Variants in KCNK13 observed in about 807,000 individuals in gnomAD.
KCNK13 encodes the protein potassium channel subfamily K member 13.
In KCNK13, 12 loss-of-function variants were observed where a neutral mutation model predicts 23.4. The observed-to-expected ratio is 0.51, with a 90% CI of 0.33 to 0.83. KCNK13 has a LOEUF of 0.83. Among genes scored for constraint, KCNK13 ranks in the 40% least tolerant of loss-of-function variants. KCNK13 has a pLI of 0.02. For missense variants in KCNK13, 463 were observed against 556.3 expected (o/e 0.83, Z 1.69); for synonymous variants, 231 against 229.5 (o/e 1.01, Z -0.06).
intron 1 of KCNK13, among the ~76,000 whole-genome samples, chr14:90,098,467 G>A (rs1361367656): frequency 1.3e-5 from 2 of 152,140 alleles, no homozygotes; most frequent in East Asian, 3.9e-4. Context: ...ATCTACGGCT[G>A]GGCATAGTGG....
chr14:90,104,824 C>G (rs1889524749), intron 1 of KCNK13, among the ~76,000 whole-genome samples: 1 of 142,084 alleles, frequency 7.0e-6, no homozygotes, highest in South Asian at 2.3e-4. Flanking sequence ...GAGTCTCACA[C>G]TGTCACCCAG....
At chr14:90,127,625 C>A (rs186231870) in intron 1 of KCNK13, among the ~76,000 whole-genome samples, 234 of 142,248 alleles carry the variant, frequency 1.6e-3, no homozygotes, top group African/African-American at 5.6e-3. Context: ...CCAGCCTGGG[C>A]AACATCTCAA....
intron 1 of KCNK13, among the ~76,000 whole-genome samples, chr14:90,104,787 T>TTTAC (rs1206116841): frequency 1.6e-5 from 2 of 125,704 alleles, no homozygotes; most frequent in Admixed American, 8.3e-5. Flanking sequence ...CTTTCTTTTC[T>TTTAC]TTTCTTTTTT....
chr14:90,142,307 C>G (rs1890016977), intron 1 of KCNK13, among the ~76,000 whole-genome samples: 1 of 141,950 alleles, frequency 7.0e-6, no homozygotes, highest in Admixed American at 7.7e-5. Context: ...TTTTGGCTGT[C>G]CAATTCTTTT....
At chr14:90,182,996 G>C (rs1296564975) in intron 1 of KCNK13, among the ~76,000 whole-genome samples, 1 of 152,062 alleles carries the variant, frequency 6.6e-6, no homozygotes, top group African/African-American at 2.4e-5. Context: ...CATTTGCTTG[G>C]AAAGAACCCT....
At chr14:90,160,329 C>G (rs1172587386) in intron 1 of KCNK13, among the ~76,000 whole-genome samples, 1 of 152,070 alleles carries the variant, frequency 6.6e-6, no homozygotes, top group African/African-American at 2.4e-5. Context: ...CTAGAAGACT[C>G]AAAAGCACAA....
chr14:90,085,853 TATATA>T (rs1177659834), intron 1 of KCNK13, among the ~76,000 whole-genome samples: 2 of 142,224 alleles, frequency 1.4e-5, no homozygotes, highest in Non-Finnish European at 3.0e-5. Flanking sequence ...ATTATATAAA[TATATA>T]ATATATAAAT....
chr14:90,075,560 T>C (rs975471631), intron 1 of KCNK13, among the ~76,000 whole-genome samples: 10 of 152,170 alleles, frequency 6.6e-5, no homozygotes, highest in African/African-American at 2.4e-4. Flanking sequence ...CTCACTGCAA[T>C]CTCCACCTCC....
chr14:90,100,705 T>C (rs1889464716), intron 1 of KCNK13, among the ~76,000 whole-genome samples: 1 of 152,162 alleles, frequency 6.6e-6, no homozygotes, highest in African/African-American at 2.4e-5. Context: ...TGGTTGGTTT[T>C]TCTTGGGACG....
intron 1 of KCNK13, among the ~76,000 whole-genome samples, chr14:90,112,012 C>T (rs1889620888): frequency 6.6e-6 from 1 of 152,134 alleles, no homozygotes; most frequent in Non-Finnish European, 1.5e-5. Flanking sequence ...CTGGCCCCAC[C>T]CTGACCTTAT....
At chr14:90,093,461 A>G (rs1283003940) in intron 1 of KCNK13, among the ~76,000 whole-genome samples, 1 of 152,136 alleles carries the variant, frequency 6.6e-6, no homozygotes, top group Non-Finnish European at 1.5e-5. Context: ...GCCTGTTACT[A>G]TTGCCCTGAT....
intron 1 of KCNK13, among the ~76,000 whole-genome samples, chr14:90,182,198 T>C (rs985789341): frequency 3.3e-5 from 5 of 152,234 alleles, no homozygotes; most frequent in African/African-American, 1.2e-4. Context: ...TGTTAATTTC[T>C]TACCCAAATG....
At chr14:90,083,414 C>G (rs1043722343) in intron 1 of KCNK13, among the ~76,000 whole-genome samples, 1 of 152,162 alleles carries the variant, frequency 6.6e-6, no homozygotes, top group African/African-American at 2.4e-5. Flanking sequence ...CTCTTACATT[C>G]AGGTTGTTGA....
chr14:90,108,546 C>G (rs1031640174), intron 1 of KCNK13, among the ~76,000 whole-genome samples: 16 of 152,190 alleles, frequency 1.1e-4, no homozygotes, highest in African/African-American at 3.9e-4. Context: ...AATCACTGCT[C>G]TGAACCAGTG....
intron 1 of KCNK13, among the ~76,000 whole-genome samples, chr14:90,116,446 T>C (rs1437788641): frequency 1.3e-5 from 2 of 152,208 alleles, no homozygotes; most frequent in African/African-American, 4.8e-5. Context: ...TCAGTTGCTA[T>C]GGCAGACCGC....
chr14:90,165,303 TG>T, intron 1 of KCNK13, among the ~76,000 whole-genome samples: 1 of 152,060 alleles, frequency 6.6e-6, no homozygotes. Flanking sequence ...CTGATCAGGG[TG>T]GGGCTGGGAC....
At chr14:90,063,975 G>A (rs774250750) in intron 1 of KCNK13, among the ~76,000 whole-genome samples, 2 of 152,160 alleles carry the variant, frequency 1.3e-5, no homozygotes, top group Non-Finnish European at 2.9e-5. Context: ...CACCATAACT[G>A]GGTATCAGGC....
In KCNK13 at chr14:90,139,979, A is replaced by T. The variant is rs1179412324; in HGVS notation, c.335-44132A>T. On this transcript the variant is annotated intron_variant, in intron 1 of 1. Coordinates refer to ENST00000282146, the MANE Select transcript of KCNK13 (RefSeq NM_022054.4). ...TACGTCTCAAAAACAAACAAAAAAA[A>T]ATTCTGCTAGGAACGTGCACAGTGG... 5.9e-5 allele frequency among the ~76,000 whole-genome samples: 9 copies of T among 152,114 alleles called. No individual in the cohort carries two copies. In the South Asian group the frequency reaches 1.7e-3, roughly 28 times the overall value.
intron 1 of KCNK13, among the ~76,000 whole-genome samples, chr14:90,146,322 T>G (rs1384464646): frequency 6.6e-6 from 1 of 152,150 alleles, no homozygotes; most frequent in African/African-American, 2.4e-5. Flanking sequence ...ATGTGGAATA[T>G]CTTTTTTAGT....
Sources: allele counts gnomAD v4.1 joint callset (sites outside exome capture counted in the v4.1 genomes callset), GRCh38; gene constraint gnomAD v4.1.1; transcripts MANE v1.5; gene names NCBI Gene and HGNC (gene_info 2026-07-23, HGNC 2026-07-21).